CASZ1: variants seen among roughly 807,000 people sequenced by gnomAD.
The protein encoded by CASZ1 is castor zinc finger 1.
CASZ1 carries 28 observed loss-of-function variants against 135.2 expected under a neutral mutation model. That is an observed-to-expected ratio of 0.21 (90% CI 0.15 to 0.28). The LOEUF (loss-of-function observed/expected upper bound fraction) is 0.28, where lower values mean the gene tolerates loss of function less well. CASZ1 is among the 10% of genes least tolerant of loss of function. The pLI, the probability that CASZ1 is intolerant of heterozygous loss-of-function variation, is 1.00. For missense variants in CASZ1, 2,161 were observed against 2,453.3 expected (o/e 0.88, Z 2.52); for synonymous variants, 1,068 against 1,073.4 (o/e 0.99, Z 0.10).
At chr1:10,742,540 G>A (rs190252557) in intron 2 of CASZ1, among the ~76,000 whole-genome samples, 31 of 152,206 alleles carry the variant, frequency 2.0e-4, no homozygotes, top group Middle Eastern at 3.4e-3. Flanking sequence ...ACTTGTCGCA[G>A]AAAACAAAGT....
rs766814939 is a variant in CASZ1, at chr1:10,653,952, G to T, written c.2105C>A (p.Ala702Glu). 3.1e-6 allele frequency: 5 copies of T among 1,613,536 alleles called. 1 individual carries two copies. Among genetic ancestry groups the T allele is most frequent in the East Asian group, 4.5e-5 (2 of 44,884 alleles). Reference sequence around the variant, plus strand: ...CAGCAGCGAGGGCGGCAGCCCCAGCGCGCCCGAGGAGCGGATGTGCCGGCG... The same window carrying T: ...CAGCAGCGAGGGCGGCAGCCCCAGCTCGCCCGAGGAGCGGATGTGCCGGCG... ...HERRHIRSSG[A>E]LGLPPSLLGA... The change falls in exon 11 of 21, where the codon GCG becomes GAG. Residue 702 changes from alanine (A) to glutamate (E), a missense_variant. Around this residue, in one of 7 missense-constraint regions of CASZ1, gnomAD observed 248 missense variants for 410.8 expected, o/e 0.60. Coordinates refer to ENST00000377022, the MANE Select transcript of CASZ1 (RefSeq NM_001079843.3).
chr1:10,751,417 T>C (rs1489429243), intron 2 of CASZ1, among the ~76,000 whole-genome samples: 3 of 152,132 alleles, frequency 2.0e-5, no homozygotes, highest in African/African-American at 7.2e-5. Flanking sequence ...GGATGATCTT[T>C]AGGGTGAGGC....
chr1:10,681,097 C>T (rs957854891), intron 4 of CASZ1, among the ~76,000 whole-genome samples: 1 of 152,122 alleles, frequency 6.6e-6, no homozygotes, highest in South Asian at 2.1e-4. Flanking sequence ...GACGGGGTTT[C>T]GCCATGTTGG....
chr1:10,745,896 C>G (rs137859473), intron 2 of CASZ1, among the ~76,000 whole-genome samples: 2 of 152,332 alleles, frequency 1.3e-5, no homozygotes, highest in Non-Finnish European at 2.9e-5. Flanking sequence ...TATTCAAACA[C>G]AAGGTGTGGA....
chr1:10,653,830 T>C lies in CASZ1; in HGVS notation c.2227A>G (p.Thr743Ala), dbSNP rs1409180439. 1.2e-5 allele frequency: 20 copies of C among 1,608,060 alleles called. No individual in the cohort carries two copies. Among genetic ancestry groups the C allele is most frequent in the Non-Finnish European group, 1.4e-5 (17 of 1,176,220 alleles). The stretch of plus-strand genomic sequence containing the variant: ...AGGGACGCAGAGGACTGCTGGCTGG[T>C]AGGGGAGGCGCTCAGGCTGGAGTTC... Reference protein sequence around the residue: ...SKNSSLSASPTSQQSSASLAA... With the variant: ...SKNSSLSASPASQQSSASLAA... Residue 743 changes from threonine (T) to alanine (A), a missense_variant, in exon 11 of 21, where the codon ACC (threonine) becomes GCC (alanine). Around this residue, in one of 7 missense-constraint regions of CASZ1, gnomAD observed 406 missense variants for 387.6 expected, o/e 1.05. Transcript: ENST00000377022.
intron 1 of CASZ1, among the ~76,000 whole-genome samples, chr1:10,765,121 G>A (rs1470085895): frequency 1.3e-5 from 2 of 152,164 alleles, no homozygotes; most frequent in South Asian, 2.1e-4. Context: ...CATCAGCCAC[G>A]GAGACGCGGG....
intron 17 of CASZ1, among the ~76,000 whole-genome samples, chr1:10,645,822 A>G (rs1463753805): frequency 3.3e-5 from 5 of 152,002 alleles, no homozygotes; most frequent in Non-Finnish European, 7.4e-5. Flanking sequence ...AGGGCTTTGG[A>G]AAAAGGGGGC....
At chr1:10,734,028 G>A (rs1362925720) in intron 2 of CASZ1, among the ~76,000 whole-genome samples, 4 of 152,190 alleles carry the variant, frequency 2.6e-5, no homozygotes, top group African/African-American at 9.7e-5. Flanking sequence ...AGGCCCCCAG[G>A]CCGACCCAAC....
At chr1:10,692,829 C>T (rs984508246) in intron 4 of CASZ1, among the ~76,000 whole-genome samples, 1 of 152,298 alleles carries the variant, frequency 6.6e-6, no homozygotes, top group Middle Eastern at 3.4e-3. Flanking sequence ...TAAACAACAA[C>T]GCTAACAGCC....
In CASZ1 at chr1:10,646,084, C is replaced by T; in HGVS notation, c.3696+44G>A. The T allele has an allele frequency of 6.3e-7, 1 of 1,594,894 alleles. No individual in the cohort carries two copies. Among genetic ancestry groups the T allele is most frequent in the Non-Finnish European group, 8.6e-7 (1 of 1,164,224 alleles). On this transcript the variant is annotated intron_variant, in intron 17 of 20. Coordinates refer to ENST00000377022, the MANE Select transcript of CASZ1 (RefSeq NM_001079843.3). The surrounding 1 kb of genome is among the most constrained non-coding windows in gnomAD (Gnocchi z 6.4). ...GTGCCCTGAGCTAGCCCTGCACCTC[C>T]CTGCCCCCTACTCTGCCCCTGCGCC...
rs779683905 is a variant in CASZ1 at position 10,739,848 on chromosome 1, G to A, written c.-77+20853C>T. ...TTCCTTCCCCGCTGAAATGAGTTGAGGCTGAGACCTGGGAAGCCGCAAGGT... is the reference window on the plus strand; with the variant it reads ...TTCCTTCCCCGCTGAAATGAGTTGAAGCTGAGACCTGGGAAGCCGCAAGGT... On this transcript the variant is annotated intron_variant, in intron 2 of 20. Transcript: ENST00000377022. The surrounding 1 kb of genome is among the most constrained non-coding windows in gnomAD (Gnocchi z 4.8). Among the ~76,000 whole-genome samples, 6 of 152,160 alleles carry A rather than the reference G, an allele frequency of 3.9e-5. No homozygotes were observed. The highest frequency in any genetic ancestry group is 7.3e-5 in the Non-Finnish European group (5 of 68,042).
At position 10,692,961 on chromosome 1, in the gene CASZ1, G is replaced by A. The variant is rs537252866; in HGVS notation, c.16+913C>T. 4.6e-5 allele frequency among the ~76,000 whole-genome samples: 7 copies of A among 152,312 alleles called. No homozygotes were observed. In the South Asian group the frequency reaches 6.2e-4, roughly 14 times the overall value. ...ACAGCTGCTTTTGTCAACCTAGCAC[G>A]TGAGGGTCCTGGTCAAAATTTGGTT... On this transcript the variant is annotated intron_variant, in intron 4 of 20. Coordinates refer to ENST00000377022, the MANE Select transcript of CASZ1 (RefSeq NM_001079843.3).
At chr1:10,781,396 A>C (rs1384863409) in intron 1 of CASZ1, among the ~76,000 whole-genome samples, 3 of 152,198 alleles carry the variant, frequency 2.0e-5, no homozygotes, top group African/African-American at 7.2e-5. Flanking sequence ...TGCGAGGAGA[A>C]GCCAAGGAGA....
intron 1 of CASZ1, among the ~76,000 whole-genome samples, chr1:10,786,023 G>A (rs1640853087): frequency 6.6e-6 from 1 of 152,208 alleles, no homozygotes; most frequent in East Asian, 1.9e-4. Context: ...CCTGGCTCCT[G>A]ATCCCACGCG....
At chr1:10,688,473 G>C (rs1006035303) in intron 4 of CASZ1, among the ~76,000 whole-genome samples, 1 of 152,150 alleles carries the variant, frequency 6.6e-6, no homozygotes, top group Non-Finnish European at 1.5e-5. Flanking sequence ...GGCTGGCTAG[G>C]AGTCTAGAAA....
At chr1:10,685,913 GCTGA>G (rs1638571379) in intron 4 of CASZ1, among the ~76,000 whole-genome samples, 1 of 152,222 alleles carries the variant, frequency 6.6e-6, no homozygotes, top group Admixed American at 6.5e-5. Flanking sequence ...CCGGAAAGAG[GCTGA>G]CTTTCATTTC....
intron 2 of CASZ1, among the ~76,000 whole-genome samples, chr1:10,708,379 C>T (rs572141804): frequency 2.0e-5 from 3 of 152,340 alleles, no homozygotes; most frequent in South Asian, 4.1e-4. Flanking sequence ...GCCCTACCCA[C>T]CTTTTACCCA....
chr1:10,715,323 C>T (rs780061528), intron 2 of CASZ1, among the ~76,000 whole-genome samples: 2 of 152,106 alleles, frequency 1.3e-5, no homozygotes, highest in East Asian at 1.9e-4. Flanking sequence ...TGACTGTCTA[C>T]GATGGTAGAA....
rs773184748 is a variant in CASZ1, at chr1:10,665,341, T to C, written c.247A>G (p.Lys83Glu). 2 of 1,611,960 alleles carry C rather than the reference T, an allele frequency of 1.2e-6. No individual in the cohort carries two copies. Among genetic ancestry groups the C allele is most frequent in the African/African-American group, 2.7e-5 (2 of 74,892 alleles). Reference protein sequence around the residue: ...AARAPRSEEDKRRAVIEKWVN... With the variant: ...AARAPRSEEDERRAVIEKWVN... ...CACTTCTCGATCACTGCCCGTCTCT[T>C]GTCTTCCTCGCTGCGGGGGGCCCGG... The change falls in exon 5 of 21, where the codon AAG (lysine) becomes GAG (glutamate). Residue 83 changes from lysine to glutamate, a missense_variant. This residue lies in a region of CASZ1 where 590 missense variants were observed against 609.8 expected (regional missense o/e 0.97). Transcript: ENST00000377022.
Sources: allele counts gnomAD v4.1 joint callset (sites outside exome capture counted in the v4.1 genomes callset), GRCh38; gene constraint gnomAD v4.1.1; regional missense constraint gnomAD v4.1.1; non-coding constraint Gnocchi (gnomAD v3.1); transcripts MANE v1.5; gene names NCBI Gene and HGNC (gene_info 2026-07-23, HGNC 2026-07-21).